Variants in PIP4K2A observed in about 807,000 individuals in gnomAD.
The protein encoded by PIP4K2A is phosphatidylinositol-5-phosphate 4-kinase type 2 alpha, also known as phosphatidylinositol 5-phosphate 4-kinase type-2 alpha.
A neutral mutation model predicts 42.9 loss-of-function variants in PIP4K2A; 14 were observed. The observed-to-expected ratio is 0.33, with a 90% confidence interval of 0.22 to 0.51. The LOEUF (loss-of-function observed/expected upper bound fraction) is 0.51. PIP4K2A is among the 20% of genes least tolerant of loss of function. PIP4K2A has a pLI of 0.97. For synonymous variants in PIP4K2A, 192 were observed against 192.2 expected (o/e 1.00, Z 0.01); for missense variants, 434 against 519.8 (o/e 0.83, Z 1.61).
intron 4 of PIP4K2A, among the ~76,000 whole-genome samples, chr10:22,580,405 T>C (rs1837241530): frequency 6.6e-6 from 1 of 151,896 alleles, no homozygotes; most frequent in African/African-American, 2.4e-5. Flanking sequence ...GTCCCGGTAA[T>C]TCGGGAGGCC....
intron 1 of PIP4K2A, among the ~76,000 whole-genome samples, chr10:22,652,128 T>C (rs1456033631): frequency 6.6e-6 from 1 of 151,976 alleles, no homozygotes; most frequent in African/African-American, 2.4e-5. Context: ...ACAAATTTTT[T>C]TTTTTTTGAG....
At chr10:22,654,735 C>A (rs1839064134) in intron 1 of PIP4K2A, among the ~76,000 whole-genome samples, 2 of 152,196 alleles carry the variant, frequency 1.3e-5, no homozygotes, top group African/African-American at 4.8e-5. Context: ...GGGCAGTTAA[C>A]ACCTCTGAGC....
intron 6 of PIP4K2A, among the ~76,000 whole-genome samples, chr10:22,567,167 T>C (rs998240355): frequency 2.0e-5 from 3 of 152,214 alleles, no homozygotes; most frequent in Non-Finnish European, 4.4e-5. Context: ...TAAGCATGTG[T>C]TGACTTGAGT....
intron 1 of PIP4K2A, among the ~76,000 whole-genome samples, chr10:22,659,046 A>G (rs550011762): frequency 1.2e-4 from 18 of 152,294 alleles, no homozygotes; most frequent in African/African-American, 4.1e-4. Context: ...CTTGGCTCCG[A>G]GGTTGGGACT....
chr10:22,620,730 C>T (rs917802011), intron 1 of PIP4K2A, among the ~76,000 whole-genome samples: 1 of 152,214 alleles, frequency 6.6e-6, no homozygotes, highest in African/African-American at 2.4e-5. Flanking sequence ...GGCACAGTTC[C>T]TGCCACTCCC....
intron 1 of PIP4K2A, among the ~76,000 whole-genome samples, chr10:22,693,510 T>C (rs1839913791): frequency 6.6e-6 from 1 of 152,192 alleles, no homozygotes; most frequent in Non-Finnish European, 1.5e-5. Flanking sequence ...AGACAAAGCA[T>C]GTGTCTATAA....
chr10:22,563,799 G>A (rs750658435), intron 6 of PIP4K2A, among the ~76,000 whole-genome samples: 6 of 152,150 alleles, frequency 3.9e-5, no homozygotes, highest in Non-Finnish European at 7.4e-5. Flanking sequence ...AGTAAGTAAC[G>A]ACAGCACCAA....
intron 6 of PIP4K2A, among the ~76,000 whole-genome samples, chr10:22,559,428 G>A (rs1262184213): frequency 2.0e-5 from 3 of 152,154 alleles, no homozygotes; most frequent in African/African-American, 7.2e-5. Flanking sequence ...GAGAGCTGAT[G>A]AAGCACCATA....
At chr10:22,620,522 A>G (rs1047041814) in intron 1 of PIP4K2A, among the ~76,000 whole-genome samples, 1 of 152,252 alleles carries the variant, frequency 6.6e-6, no homozygotes, top group African/African-American at 2.4e-5. Flanking sequence ...CGAGTCTGAG[A>G]AGAGATCACA....
chr10:22,710,940 G>A (rs191379374), intron 1 of PIP4K2A, among the ~76,000 whole-genome samples: 10 of 152,278 alleles, frequency 6.6e-5, no homozygotes, highest in Middle Eastern at 3.4e-3. Flanking sequence ...TTTAAAACAA[G>A]TCTTGGCTCA....
intron 4 of PIP4K2A, among the ~76,000 whole-genome samples, chr10:22,576,116 C>T (rs908884620): frequency 1.3e-5 from 2 of 152,092 alleles, no homozygotes; most frequent in African/African-American, 4.8e-5. Context: ...GATTCGAGTA[C>T]TGCCAAGCTG....
intron 3 of PIP4K2A, among the ~76,000 whole-genome samples, chr10:22,601,339 G>C (rs932718088): frequency 3.3e-5 from 5 of 152,130 alleles, no homozygotes; most frequent in Middle Eastern, 3.4e-3. Context: ...TCCCAGGTGG[G>C]GGCAGGTGGT....
intron 1 of PIP4K2A, among the ~76,000 whole-genome samples, chr10:22,686,049 A>G (rs113976799): frequency 0.012 from 1,898 of 152,288 alleles, 50 homozygotes; most frequent in African/African-American, 0.044. Context: ...TGGGCGTGTC[A>G]AGATTGCTGC....
At chr10:22,708,290 C>T (rs1044801611) in intron 1 of PIP4K2A, among the ~76,000 whole-genome samples, 1 of 152,148 alleles carries the variant, frequency 6.6e-6, no homozygotes, top group African/African-American at 2.4e-5. Flanking sequence ...CTAATTGTGC[C>T]GACCTCTGTT....
chr10:22,686,774 T>C (rs1839773250), intron 1 of PIP4K2A, among the ~76,000 whole-genome samples: 1 of 152,154 alleles, frequency 6.6e-6, no homozygotes, highest in African/African-American at 2.4e-5. Context: ...CCAGCCTCTA[T>C]TTTTTTCTTT....
chr10:22,541,415 A>C (rs1469640836), intron 8 of PIP4K2A, among the ~76,000 whole-genome samples: 1 of 152,248 alleles, frequency 6.6e-6, no homozygotes, highest in Non-Finnish European at 1.5e-5. Context: ...CTAGGCAAAA[A>C]CGTATTAATA....
intron 1 of PIP4K2A, among the ~76,000 whole-genome samples, chr10:22,698,335 G>C (rs774761004): frequency 9.2e-5 from 14 of 152,218 alleles, no homozygotes; most frequent in Non-Finnish European, 1.8e-4. Context: ...TGGGAAAGCA[G>C]CTCTTAGCCA....
chr10:22,629,784 G>T (rs1838513078), intron 1 of PIP4K2A, among the ~76,000 whole-genome samples: 1 of 152,088 alleles, frequency 6.6e-6, no homozygotes, highest in Non-Finnish European at 1.5e-5. Flanking sequence ...AGTCTTTGCT[G>T]TAGTTTTTGT....
At chr10:22,657,145 G>C (rs1413905420) in intron 1 of PIP4K2A, among the ~76,000 whole-genome samples, 1 of 152,192 alleles carries the variant, frequency 6.6e-6, no homozygotes. Flanking sequence ...TCAAACATCT[G>C]TGTCTTACTT....
Sources: gnomAD v4.1 joint callset for allele counts (sites outside exome capture counted in the v4.1 genomes callset) on GRCh38, gnomAD v4.1.1 for gene constraint, MANE v1.5 for transcripts, NCBI Gene and HGNC (gene_info 2026-07-23, HGNC 2026-07-21) for gene names.